Variants in CDKL5 observed in about 807,000 individuals in gnomAD.
The protein encoded by CDKL5 is cyclin dependent kinase like 5.
A neutral mutation model predicts 61.7 loss-of-function variants in CDKL5; 8 were observed. The observed-to-expected ratio is 0.13, with a 90% CI of 0.08 to 0.23. The LOEUF (loss-of-function observed/expected upper bound fraction) is 0.23, where lower values mean the gene tolerates loss of function less well. Ranked by LOEUF, CDKL5 falls within the 10% of genes least tolerant of loss-of-function variation. The pLI is 1.00. For missense variants in CDKL5, 440 were observed against 734.5 expected (o/e 0.60, Z 4.63); for synonymous variants, 275 against 272.3 (o/e 1.01, Z -0.10).
intron 9 of CDKL5, among the ~76,000 whole-genome samples, chrX:18,590,465 A>G (rs1925791755): frequency 8.9e-6 from 1 of 111,742 alleles, no homozygotes; most frequent in Non-Finnish European, 1.9e-5. Context: ...CCCCCAGTTA[A>G]TTTCCCTTTA....
rs1425663248 is a variant in CDKL5, at chrX:18,613,202, A to G, written c.2203A>G (p.Arg735Gly). 4.2e-6 allele frequency: 5 copies of G among 1,199,315 alleles called. No individual in the cohort carries two copies. Among genetic ancestry groups the G allele is most frequent in the African/African-American group, 1.7e-5 (1 of 57,415 alleles). Reference sequence around the variant, plus strand: ...TTTCCATGAAAATAATGTGTCAACTAGAGTTTCTTCTCTACCATCAGAGAG... The same window carrying G: ...TTTCCATGAAAATAATGTGTCAACTGGAGTTTCTTCTCTACCATCAGAGAG... ...NSFHENNVST[R>G]VSSLPSESSS... The change falls in exon 15 of 18, where the codon AGA becomes GGA. Residue 735 changes from arginine to glycine, a missense_variant. By Grantham distance (125) the Arg-to-Gly change is moderately radical. Transcript: ENST00000623535.
intron 1 of CDKL5, among the ~76,000 whole-genome samples, chrX:18,495,484 C>T (rs1444328348): frequency 2.7e-5 from 3 of 112,206 alleles, no homozygotes; most frequent in African/African-American, 9.7e-5. Flanking sequence ...TTTGTTTACA[C>T]AGTTAGTGAC....
chrX:18,466,150 G>T (rs1314278700), intron 1 of CDKL5, among the ~76,000 whole-genome samples: 1 of 111,264 alleles, frequency 9.0e-6, no homozygotes, highest in African/African-American at 3.3e-5. Context: ...ATTTCTACCT[G>T]TTCTCAGTGA....
Position 18,653,482 on chromosome X carries a change from G to A in CDKL5, c.3031G>A (p.Ala1011Thr), listed in dbSNP as rs727503848. ...TATGAGGGAAGCCCTGATTCACAGG[G>A]CCCAGGTAAACCAAGCTGCGCTCCT... The change falls in exon 22 of 22, where the codon GCC becomes ACC. Residue 1011 changes from alanine to threonine, a missense_variant. By Grantham distance (58) the Ala-to-Thr change is moderately conservative (BLOSUM62 0). Coordinates refer to the CDKL5 transcript ENST00000379989. 7 of 1,209,883 alleles carry A rather than the reference G, an allele frequency of 5.8e-6. No homozygotes were observed. In the African/African-American group the frequency reaches 1.2e-4, roughly 21 times the overall value.
At chrX:18,603,768 G>A (rs888624116) in intron 11 of CDKL5, 134 bp from the exon 12 acceptor site, 4 of 761,166 alleles carry the variant, frequency 5.3e-6, no homozygotes, top group Admixed American at 2.3e-5. Flanking sequence ...CTTGTTATTC[G>A]AAGGCACATG....
At chrX:18,458,314 A>G (rs1932197576) in intron 1 of CDKL5, among the ~76,000 whole-genome samples, 1 of 111,504 alleles carries the variant, frequency 9.0e-6, no homozygotes, top group African/African-American at 3.3e-5. Context: ...TCTAATTACT[A>G]TACTGTATAC....
At chrX:18,432,953 G>A (rs373090402) in intron 1 of CDKL5, among the ~76,000 whole-genome samples, 144 of 112,242 alleles carry the variant, frequency 1.3e-3, no homozygotes, top group African/African-American at 4.4e-3. Flanking sequence ...GAGACCAGGC[G>A]TGGGTGGCTC....
chrX:18,509,499 C>G (rs1416813281), intron 2 of CDKL5, among the ~76,000 whole-genome samples: 2 of 111,329 alleles, frequency 1.8e-5, no homozygotes. Context: ...GTGAAGCCCC[C>G]TTCTCATAGA....
At chrX:18,431,423 C>CTTTTCTTTTTTTTTTTTTTTT (rs1931484876) in intron 1 of CDKL5, among the ~76,000 whole-genome samples, 6 of 95,530 alleles carry the variant, frequency 6.3e-5, no homozygotes, top group African/African-American at 2.3e-4. Context: ...GATTTCTTTT[C>CTTTTCTTTTTTTTTTTTTTTT]TTTTTTTTTT....
chrX:18,547,906 G>A lies in CDKL5; in HGVS notation c.100-16571G>A, dbSNP rs184957361. 1.0e-3 allele frequency among the ~76,000 whole-genome samples: 112 copies of A among 111,980 alleles called. 1 individual carries two copies. Among genetic ancestry groups the A allele is most frequent in the African/African-American group, 3.5e-3 (107 of 30,824 alleles). On this transcript the variant is annotated intron_variant, in intron 3 of 17. Transcript: ENST00000623535. Reference sequence around the variant, plus strand: ...AAAGCAATTTTGTTTTTGCGCAGAGGGGTGCCTCTTCGGCCAGTTGTCATG... The same window carrying A: ...AAAGCAATTTTGTTTTTGCGCAGAGAGGTGCCTCTTCGGCCAGTTGTCATG...
chrX:18,428,953 C>T lies in CDKL5; in HGVS notation c.-163+3258C>T, dbSNP rs778000005. Among the ~76,000 whole-genome samples the T allele has an allele frequency of 1.5e-4, 17 of 111,208 alleles. No individual in the cohort carries two copies. In the East Asian group the frequency reaches 3.7e-3, roughly 24 times the overall value. On this transcript the variant is annotated intron_variant, in intron 1 of 17. Transcript: ENST00000623535. Reference sequence around the variant, plus strand: ...AATGTTAGAAATCTTTTGTTGGTGACGCACAATTTTAGTGTTCAGATTTTA... The same window carrying T: ...AATGTTAGAAATCTTTTGTTGGTGATGCACAATTTTAGTGTTCAGATTTTA...
chrX:18,538,580 G>C (rs1410222924), intron 3 of CDKL5, among the ~76,000 whole-genome samples: 1 of 111,366 alleles, frequency 9.0e-6, no homozygotes. Context: ...TTAAGTCCAT[G>C]ATCTATTTTG....
At chrX:18,598,639 C>T (rs368358424) in intron 11 of CDKL5, 26 bp downstream of exon 11, 51 of 1,181,863 alleles carry the variant, frequency 4.3e-5, no homozygotes, top group Non-Finnish European at 5.8e-5. Flanking sequence ...TAAGGAAATA[C>T]AGATGCAGTG....
At chrX:18,616,182 A>T (rs1926708501) in intron 15 of CDKL5, among the ~76,000 whole-genome samples, 1 of 112,280 alleles carries the variant, frequency 8.9e-6, no homozygotes, top group African/African-American at 3.2e-5. Flanking sequence ...TTGGAAAATC[A>T]TACATATCAT....
chrX:18,512,122 T>C (rs1020911487), intron 3 of CDKL5, among the ~76,000 whole-genome samples: 4 of 112,212 alleles, frequency 3.6e-5, no homozygotes, highest in Non-Finnish European at 5.6e-5. Flanking sequence ...CATGTTTTAC[T>C]GGGAGAGTAA....
chrX:18,603,415 T>A (rs1350989711), intron 11 of CDKL5, among the ~76,000 whole-genome samples: 2 of 112,476 alleles, frequency 1.8e-5, no homozygotes, highest in African/African-American at 3.2e-5. Context: ...TCTGTGTATG[T>A]GCTGTGAGTA....
chrX:18,510,731 A>T (rs746294282), intron 2 of CDKL5, 89 bp from the exon 3 acceptor site: 227 of 736,773 alleles, frequency 3.1e-4, no homozygotes, highest in Non-Finnish European at 4.6e-4. Flanking sequence ...TTTAGTAGTC[A>T]TTATTATAAC....
intron 3 of CDKL5, among the ~76,000 whole-genome samples, chrX:18,523,888 A>G (rs1336497076): frequency 8.9e-6 from 1 of 111,996 alleles, no homozygotes. Context: ...TATGGTAATT[A>G]CATGTTTAAT....
intron 1 of CDKL5, among the ~76,000 whole-genome samples, chrX:18,469,597 G>A (rs1255104660): frequency 9.4e-6 from 1 of 106,077 alleles, no homozygotes; most frequent in Non-Finnish European, 1.9e-5. Flanking sequence ...GCAATGAGCC[G>A]AGATCGTGCC....
Sources: gnomAD v4.1 joint callset for allele counts (sites outside exome capture counted in the v4.1 genomes callset) on GRCh38, gnomAD v4.1.1 for gene constraint, MANE v1.5 for transcripts, NCBI Gene and HGNC (gene_info 2026-07-23, HGNC 2026-07-21) for gene names.